The following ST7 variants were observed in gnomAD, a reference collection of about 807,000 sequenced individuals.
The protein encoded by ST7 is suppression of tumorigenicity 7.
ST7 carries 28 observed loss-of-function variants against 78.7 expected under a neutral mutation model. That is an observed-to-expected ratio of 0.36 (90% CI 0.26 to 0.49). ST7 has a LOEUF of 0.49. Among genes scored for constraint, ST7 ranks in the 20% least tolerant of loss-of-function variants. The pLI is 0.99. For synonymous variants in ST7, 247 were observed against 249.6 expected (o/e 0.99, Z 0.10); for missense variants, 418 against 696.0 (o/e 0.60, Z 4.49).
intron 15 of ST7, among the ~76,000 whole-genome samples, chr7:117,226,576 C>A (rs1401734805): frequency 6.6e-6 from 1 of 152,144 alleles, no homozygotes. Context: ...AACTGAGCAT[C>A]CCAAGCAAGT....
Position 117,170,992 on chromosome 7 carries a change from T to C in ST7, c.1078+16T>C. On this transcript the variant is annotated intron_variant, in intron 10 of 15. Transcript: ENST00000323984. ...AAGTATGATGGTAAGTTCTTGGGTA[T>C]TTTTATTTACTTGACTATTCCTCTT... is the stretch of plus-strand genomic sequence containing the variant. 1 of 1,528,946 alleles carries C rather than the reference T, an allele frequency of 6.5e-7. No homozygotes were observed. Among genetic ancestry groups the C allele is most frequent in the African/African-American group, 1.4e-5 (1 of 72,580 alleles). 94.7% of individuals were successfully genotyped at this position (1,528,946 alleles called of 1,614,324 possible). A position where few individuals can be genotyped will look rare whatever the true frequency, so the allele number is the denominator to read the frequency against.
chr7:116,978,910 A>G (rs758991648), intron 1 of ST7, among the ~76,000 whole-genome samples: 4 of 152,204 alleles, frequency 2.6e-5, no homozygotes, highest in Admixed American at 2.6e-4. Flanking sequence ...CAAATTGGCA[A>G]CTGAAGAAAA....
intron 1 of ST7, among the ~76,000 whole-genome samples, chr7:117,077,528 A>G (rs1254621107): frequency 2.0e-5 from 3 of 152,214 alleles, no homozygotes; most frequent in Admixed American, 1.3e-4. Flanking sequence ...TGAAGATTCT[A>G]AAGGACTGTC....
chr7:117,108,984 C>G (rs1016453188), intron 2 of ST7, among the ~76,000 whole-genome samples: 23 of 152,128 alleles, frequency 1.5e-4, no homozygotes, highest in African/African-American at 5.6e-4. Flanking sequence ...ATTTACCACT[C>G]CTGGGAGCTT....
At chr7:117,149,592 CTTTTTTTTTTTTT>C (rs59067333) in intron 9 of ST7, among the ~76,000 whole-genome samples, 2 of 83,942 alleles carry the variant, frequency 2.4e-5, no homozygotes, top group East Asian at 3.2e-4. Flanking sequence ...CGTGTCCTAC[CTTTTTTTTTTTTT>C]TTTTTTTTTT....
At chr7:117,217,698 G>A (rs560835100) in intron 13 of ST7, among the ~76,000 whole-genome samples, 2 of 152,306 alleles carry the variant, frequency 1.3e-5, no homozygotes, top group East Asian at 3.9e-4. Flanking sequence ...AGTCTGGGGT[G>A]TTTTTAATGT....
rs574232382 is a variant in ST7, at chr7:117,173,170, G to A, written c.1078+2194G>A. Among the ~76,000 whole-genome samples, 4 of 152,280 alleles carry A rather than the reference G, an allele frequency of 2.6e-5. No individual in the cohort carries two copies. In the South Asian group the frequency reaches 8.3e-4, roughly 32 times the overall value. On this transcript the variant is annotated intron_variant, in intron 10 of 15. Coordinates refer to ENST00000323984, the MANE Select transcript of ST7 (RefSeq NM_001369598.1). ...CCTTGTGTTGAGCTTTGTTTATGTT[G>A]TGTACCTGGCAACAGAGATGATGTT...
At chr7:117,155,576 G>A (rs2402154) in intron 9 of ST7, among the ~76,000 whole-genome samples, 18,352 of 152,094 alleles carry the variant, frequency 0.12, 2,018 homozygotes, top group African/African-American at 0.29. Flanking sequence ...TTGGACATAT[G>A]TATCTCAACG....
chr7:116,965,246 C>G (rs527535819), intron 1 of ST7, among the ~76,000 whole-genome samples: 1 of 150,084 alleles, frequency 6.7e-6, no homozygotes, highest in Non-Finnish European at 1.5e-5. Flanking sequence ...AGGCTGAGGC[C>G]GGAGAATGGC....
intron 1 of ST7, among the ~76,000 whole-genome samples, chr7:117,045,196 C>T (rs1797431470): frequency 6.6e-6 from 1 of 152,108 alleles, no homozygotes; most frequent in Non-Finnish European, 1.5e-5. Context: ...ACCTTTGCTT[C>T]CCATCAGCCA....
At chr7:117,143,729 G>T (rs1481875677) in intron 9 of ST7, among the ~76,000 whole-genome samples, 2 of 152,140 alleles carry the variant, frequency 1.3e-5, no homozygotes, top group African/African-American at 4.8e-5. Context: ...TCACCTCACA[G>T]GGTAGATGTC....
At chr7:117,224,319 T>C (rs1793304134) in intron 15 of ST7, among the ~76,000 whole-genome samples, 1 of 152,186 alleles carries the variant, frequency 6.6e-6, no homozygotes, top group South Asian at 2.1e-4. Context: ...TAGAATATCT[T>C]ACATTTCCTT....
chr7:117,154,529 C>G (rs2117176787), intron 9 of ST7, among the ~76,000 whole-genome samples: 1 of 152,264 alleles, frequency 6.6e-6, no homozygotes, highest in Non-Finnish European at 1.5e-5. Context: ...GGGTTCCTGC[C>G]TGCTGACTTT....
chr7:116,960,364 A>G (rs1004364651), intron 1 of ST7, among the ~76,000 whole-genome samples: 5 of 151,882 alleles, frequency 3.3e-5, no homozygotes, highest in African/African-American at 4.8e-5. Context: ...TAAGTTTTGT[A>G]TTTTTAGTAG....
chr7:117,058,772 G>T lies in ST7; in HGVS notation c.152-40990G>T, dbSNP rs562967616. 1.3e-4 allele frequency among the ~76,000 whole-genome samples: 20 copies of T among 152,218 alleles called. No individual in the cohort carries two copies. The South Asian group carries it at 3.7e-3, about 28-fold the overall frequency. On this transcript the variant is annotated intron_variant, in intron 1 of 15. Coordinates refer to ENST00000323984, the MANE Select transcript of ST7 (RefSeq NM_001369598.1). Reference sequence around the variant, plus strand: ...ATTTATTGTAGCACTATTCACAATAGCCAAGATTTGGAAGCAACCTAAGTA... The same window carrying T: ...ATTTATTGTAGCACTATTCACAATATCCAAGATTTGGAAGCAACCTAAGTA...
chr7:117,148,975 A>G (rs1361328669), intron 9 of ST7, among the ~76,000 whole-genome samples: 4 of 152,188 alleles, frequency 2.6e-5, no homozygotes, highest in Non-Finnish European at 5.9e-5. Flanking sequence ...AGAAACCAGA[A>G]AACAGGCAAA....
chr7:117,000,604 C>T (rs1236472450), intron 1 of ST7, among the ~76,000 whole-genome samples: 1 of 152,192 alleles, frequency 6.6e-6, no homozygotes, highest in Non-Finnish European at 1.5e-5. Context: ...TCTCCAGTTA[C>T]TTCTGTAGTC....
chr7:116,997,323 C>T (rs1191240865), intron 1 of ST7, among the ~76,000 whole-genome samples: 6 of 152,174 alleles, frequency 3.9e-5, no homozygotes, highest in African/African-American at 1.4e-4. Flanking sequence ...CCTTATCTGA[C>T]CCCACCCACA....
At chr7:117,214,837 C>T (rs1387583215) in intron 13 of ST7, among the ~76,000 whole-genome samples, 1 of 151,174 alleles carries the variant, frequency 6.6e-6, no homozygotes, top group Non-Finnish European at 1.5e-5. Context: ...TTTATTGAGT[C>T]CATCCTTTGT....
Sources: allele counts gnomAD v4.1 joint callset (sites outside exome capture counted in the v4.1 genomes callset), GRCh38; gene constraint gnomAD v4.1.1; transcripts MANE v1.5; gene names NCBI Gene and HGNC (gene_info 2026-07-23, HGNC 2026-07-21).